Variants in C10orf90 observed in about 807,000 individuals in gnomAD.
C10orf90 encodes (E2-independent) E3 ubiquitin-conjugating enzyme FATS.
Under a neutral mutation model 62.5 loss-of-function variants are expected in C10orf90, and 56 were observed. The ratio of observed to expected loss-of-function variants is 0.90; its 90% CI spans 0.72 to 1.12. C10orf90 has a LOEUF of 1.12. Ranked by LOEUF, C10orf90 falls within the 50% of genes most tolerant of loss-of-function variation. The pLI is 0.00. For missense variants in C10orf90, 970 were observed against 880.4 expected (o/e 1.10, Z -1.29); for synonymous variants, 386 against 340.4 (o/e 1.13, Z -1.47).
intron 4 of C10orf90, among the ~76,000 whole-genome samples, chr10:126,482,334 G>A (rs1861213759): frequency 1.3e-5 from 2 of 152,198 alleles, no homozygotes; most frequent in African/African-American, 4.8e-5. Context: ...ATGCAGGGTT[G>A]AGTGCAGCAT....
chr10:126,525,193 G>T (rs1370427013), intron 2 of C10orf90, among the ~76,000 whole-genome samples: 2 of 152,288 alleles, frequency 1.3e-5, no homozygotes, highest in East Asian at 3.9e-4. Flanking sequence ...TGGTGAACAA[G>T]CAACCCACCA....
chr10:126,638,424 A>T (rs140662348), intron 2 of C10orf90, among the ~76,000 whole-genome samples: 2 of 152,074 alleles, frequency 1.3e-5, no homozygotes, highest in African/African-American at 2.4e-5. Context: ...TGGTGTCCAC[A>T]CTTGCCTCTC....
At chr10:126,578,976 T>G (rs1041758813) in intron 2 of C10orf90, among the ~76,000 whole-genome samples, 3 of 152,116 alleles carry the variant, frequency 2.0e-5, no homozygotes, top group African/African-American at 7.2e-5. Context: ...CCCAATTACA[T>G]AGGTGAAGTC....
chr10:126,512,394 GTGTGTGTGTCTGTGTGTC>G (rs1432913133), intron 3 of C10orf90, among the ~76,000 whole-genome samples: 25 of 17,392 alleles, frequency 1.4e-3, no homozygotes, highest in East Asian at 3.5e-3. Context: ...GTCTGTGTGT[GTGTGTGTGTCTGTGTGTC>G]TGTGTGTGTG....
intron 2 of C10orf90, among the ~76,000 whole-genome samples, chr10:126,592,236 C>T (rs1844994785): frequency 1.3e-5 from 2 of 152,186 alleles, no homozygotes; most frequent in East Asian, 1.9e-4. Context: ...GCCCAAATAG[C>T]CAAGACAATT....
At chr10:126,552,159 A>G (rs1412200534) in intron 2 of C10orf90, among the ~76,000 whole-genome samples, 1 of 152,220 alleles carries the variant, frequency 6.6e-6, no homozygotes, top group African/African-American at 2.4e-5. Flanking sequence ...AAGCCTCTAT[A>G]AAAGATTCTT....
At chr10:126,556,545 G>A (rs1864777732) in intron 2 of C10orf90, among the ~76,000 whole-genome samples, 1 of 152,018 alleles carries the variant, frequency 6.6e-6, no homozygotes, top group African/African-American at 2.4e-5. Flanking sequence ...ATTTCCTCCT[G>A]ATTCTGAAAA....
intron 2 of C10orf90, among the ~76,000 whole-genome samples, chr10:126,612,417 G>T (rs929420001): frequency 6.6e-6 from 1 of 152,180 alleles, no homozygotes; most frequent in Admixed American, 6.5e-5. Flanking sequence ...ATTGTAGAAA[G>T]TTCTATTGGA....
At chr10:126,467,722 C>T (rs887555867) in intron 4 of C10orf90, among the ~76,000 whole-genome samples, 5 of 152,184 alleles carry the variant, frequency 3.3e-5, no homozygotes, top group Non-Finnish European at 5.9e-5. Flanking sequence ...ATCTCACAAA[C>T]TTGATTATCC....
chr10:126,442,503 A>C lies in C10orf90; in HGVS notation c.2189-12653T>G, dbSNP rs1456941121. 1.4e-4 allele frequency among the ~76,000 whole-genome samples: 15 copies of C among 107,918 alleles called. 1 individual carries two copies. The highest frequency in any genetic ancestry group is 1.1e-3 in the Admixed American group (12 of 10,854). The allele number at this position is 107,918 out of a possible 152,430, so 70.8% of individuals were successfully genotyped here. On this transcript the variant is annotated intron_variant, in intron 7 of 9. Transcript: ENST00000488181. The stretch of plus-strand genomic sequence containing the variant: ...CATATATATATATATATATATATAT[A>C]TATATCTGTTAAGTCCATTTGTTCC...
At chr10:126,514,133 C>T (rs769562397) in intron 2 of C10orf90, among the ~76,000 whole-genome samples, 194 bp from the exon 3 acceptor site, 9 of 152,116 alleles carry the variant, frequency 5.9e-5, no homozygotes, top group African/African-American at 9.7e-5. Flanking sequence ...TCTCTGGGTT[C>T]GTTATTAGTT....
rs767094735 is a variant in C10orf90 at position 126,513,916 on chromosome 10, T to C, written c.337A>G (p.Arg113Gly). Residue 113 changes from arginine to glycine, a missense_variant, in exon 3 of 10, where the codon AGA (arginine) becomes GGA (glycine). Physicochemically the swap from Arg to Gly is moderately radical, Grantham distance 125. Transcript: ENST00000488181. ...TTTTTAAGGGCAATTTGATCTCTTC[T>C]ACTGTGGTAGCTGTCCCGTAATCCT... Reference protein sequence around the residue: ...NAGLRDSYHSRRDQIALKNLQ... With the variant: ...NAGLRDSYHSGRDQIALKNLQ... 1.4e-5 allele frequency: 23 copies of C among 1,613,076 alleles called. No individual in the cohort carries two copies. The East Asian group carries it at 4.7e-4, about 33-fold the overall frequency.
chr10:126,517,970 G>C (rs1863531974), intron 2 of C10orf90, among the ~76,000 whole-genome samples: 1 of 149,010 alleles, frequency 6.7e-6, no homozygotes, highest in Non-Finnish European at 1.5e-5. Flanking sequence ...TTATGCTCCA[G>C]AGCAAAAACC....
chr10:126,650,361 T>G lies in C10orf90; in HGVS notation c.241-3724A>C, dbSNP rs538705318. On this transcript the variant is annotated intron_variant, in intron 1 of 9. Transcript: ENST00000488181. ...AGATTTAAGAACCATTTTTCACCTCTGTTCCCAGTGACTCATAGGCCTGAT... is the reference window on the plus strand; with the variant it reads ...AGATTTAAGAACCATTTTTCACCTCGGTTCCCAGTGACTCATAGGCCTGAT... Among the ~76,000 whole-genome samples, 6 of 152,340 alleles carry G rather than the reference T, an allele frequency of 3.9e-5. No homozygotes were observed. The South Asian group carries it at 1.2e-3, about 32-fold the overall frequency.
intron 2 of C10orf90, among the ~76,000 whole-genome samples, chr10:126,529,229 C>G (rs1284694642): frequency 1.3e-5 from 2 of 152,154 alleles, no homozygotes; most frequent in African/African-American, 4.8e-5. Flanking sequence ...TCCAGATAAT[C>G]TAAAACCTTA....
intron 4 of C10orf90, among the ~76,000 whole-genome samples, chr10:126,494,220 C>T (rs903750472): frequency 6.6e-6 from 1 of 152,200 alleles, no homozygotes; most frequent in African/African-American, 2.4e-5. Flanking sequence ...AAGACTTTCA[C>T]ATCCCACCTG....
chr10:126,610,676 C>A (rs1156418150), intron 2 of C10orf90, among the ~76,000 whole-genome samples: 3 of 152,206 alleles, frequency 2.0e-5, no homozygotes, highest in Admixed American at 6.5e-5. Context: ...CATTATCATT[C>A]TCTCCACATA....
At chr10:126,648,379 C>T (rs900602686) in intron 1 of C10orf90, among the ~76,000 whole-genome samples, 2 of 152,090 alleles carry the variant, frequency 1.3e-5, no homozygotes, top group African/African-American at 2.4e-5. Context: ...CTTGTACTGC[C>T]CAGCCTCCAG....
At chr10:126,530,627 C>T (rs1271805100) in intron 2 of C10orf90, among the ~76,000 whole-genome samples, 1 of 151,988 alleles carries the variant, frequency 6.6e-6, no homozygotes. Context: ...GGTAGCCTCA[C>T]TGGAGACAAG....
Sources: gnomAD v4.1 joint callset for allele counts (sites outside exome capture counted in the v4.1 genomes callset) on GRCh38, gnomAD v4.1.1 for gene constraint, MANE v1.5 for transcripts, NCBI Gene and HGNC (gene_info 2026-07-23, HGNC 2026-07-21) for gene names.